The following EIF5A variants were observed in gnomAD, a reference collection of about 807,000 sequenced individuals.
EIF5A encodes the protein eukaryotic translation initiation factor 5A.
Under a neutral mutation model 16.6 loss-of-function variants are expected in EIF5A, and 1 was observed. The ratio of observed to expected loss-of-function variants is 0.06; its 90% CI spans 0.02 to 0.28. The LOEUF (loss-of-function observed/expected upper bound fraction) is 0.28, where lower values mean the gene tolerates loss of function less well. EIF5A is among the 10% of genes least tolerant of loss of function. The probability of loss-of-function intolerance (pLI) is 1.00; values close to 1 mark genes in which losing one functional copy is unlikely to be tolerated. For synonymous variants in EIF5A, 80 were observed against 73.6 expected (o/e 1.09, Z -0.44); for missense variants, 29 against 196.1 (o/e 0.15, Z 5.09).
intron 1 of EIF5A, chr17:7,307,990 C>G: frequency 1.0e-6 from 1 of 984,710 alleles, no homozygotes; most frequent in Non-Finnish European, 1.2e-6. Flanking sequence ...CGGCGAGCCG[C>G]GAGGCAGCCA....
rs931940768 is a variant in EIF5A at position 7,311,896 on chromosome 17, G to C, written c.*86G>C. On this transcript the variant is annotated 3_prime_UTR_variant, in exon 6 of 6. Coordinates refer to ENST00000336458, the MANE Select transcript of EIF5A (RefSeq NM_001970.5). ...CCCGAGCCTGGCCTGGCTCTGGCCC[G>C]GTCCTAAGCTGGACTCCTCCTACAC... 1 of 609,390 alleles carries C rather than the reference G, an allele frequency of 1.6e-6. No homozygotes were observed. The highest frequency in any genetic ancestry group is 3.0e-5 in the Admixed American group (1 of 32,984). 37.7% of individuals were successfully genotyped at this position (609,390 alleles called of 1,614,324 possible). A position where few individuals can be genotyped will look rare whatever the true frequency, so the allele number is the denominator to read the frequency against.
chr17:7,307,162 G>C (rs770300323), upstream of EIF5A: 5 of 1,538,884 alleles, frequency 3.2e-6, no homozygotes, highest in African/African-American at 5.5e-5. Context: ...CGTATCCTGA[G>C]ACGCATGCGT....
Position 7,311,996 on chromosome 17 carries a change from C to G in EIF5A, c.*186C>G. 2.7e-6 allele frequency: 1 copy of G among 366,872 alleles called. No homozygotes were observed. The highest frequency in any genetic ancestry group is 5.3e-6 in the Non-Finnish European group (1 of 189,312). 22.7% of individuals were successfully genotyped at this position (366,872 alleles called of 1,614,324 possible). The stretch of plus-strand genomic sequence containing the variant: ...GGGAGCCCCTGCCCTTCACCTAGCT[C>G]CCTTGGCCAGGAGCGAGCGAAGCTG... On this transcript the variant is annotated 3_prime_UTR_variant, in exon 6 of 6. Transcript: ENST00000336458.
chr17:7,311,008 A>G lies in EIF5A; in HGVS notation c.166-10A>G, dbSNP rs2143009476. On this transcript the variant is annotated splice_polypyrimidine_tract_variant and intron_variant, in intron 2 of 5. Transcript: ENST00000336458. ...TTGGTTGGGTTTCTCTTTGTGATGC[A>G]TACATACAGGTCCATCTGGTTGGTA... 2 of 1,611,052 alleles carry G rather than the reference A, an allele frequency of 1.2e-6. No homozygotes were observed. Among genetic ancestry groups the G allele is most frequent in the Non-Finnish European group, 1.7e-6 (2 of 1,178,222 alleles).
At chr17:7,310,424 A>C (rs778528028) in intron 2 of EIF5A, 8 of 1,179,726 alleles carry the variant, frequency 6.8e-6, no homozygotes, top group Non-Finnish European at 8.5e-6. Flanking sequence ...TTAGAATTTC[A>C]ACCTGATTCG....
chr17:7,308,082 G>A (rs957384478), intron 1 of EIF5A: 2 of 993,710 alleles, frequency 2.0e-6, no homozygotes, highest in African/African-American at 1.8e-5. Context: ...TACCTGGGCC[G>A]TTGAGGACCC....
chr17:7,307,058 TG>T (rs1437481725), upstream of EIF5A: 13 of 1,602,140 alleles, frequency 8.1e-6, no homozygotes, highest in Admixed American at 1.7e-5. Context: ...TGTGTGGAAC[TG>T]GGGGGACTGA....
chr17:7,311,648 C>T lies in EIF5A; in HGVS notation c.*8C>T, dbSNP rs1489159910. ...AAGGCCATGGCAAAATAACTGGCTCCCAGGTGAGTGTGACAAATCCCTCAC... is the reference window on the plus strand; with the variant it reads ...AAGGCCATGGCAAAATAACTGGCTCTCAGGTGAGTGTGACAAATCCCTCAC... On this transcript the variant is annotated 3_prime_UTR_variant, in exon 5 of 6. Coordinates refer to ENST00000336458, the MANE Select transcript of EIF5A (RefSeq NM_001970.5). 3 of 1,614,090 alleles carry T rather than the reference C, an allele frequency of 1.9e-6. No individual in the cohort carries two copies. The highest frequency in any genetic ancestry group is 8.5e-7 in the Non-Finnish European group (1 of 1,180,022).
At chr17:7,307,415 C>T (rs9906690), upstream of EIF5A, 5,902 of 1,147,690 alleles carry the variant, frequency 5.1e-3, 236 homozygotes, top group African/African-American at 0.087. Context: ...ACCGGGTGCG[C>T]CTGCGCGTTG....
chr17:7,310,302 G>A (rs1304208440), intron 2 of EIF5A: 3 of 1,280,232 alleles, frequency 2.3e-6, no homozygotes, highest in African/African-American at 3.1e-5. Context: ...GGATCAAACT[G>A]CCCCTACCTG....
chr17:7,310,464 C>T, intron 2 of EIF5A: 1 of 1,174,428 alleles, frequency 8.5e-7, no homozygotes, highest in South Asian at 1.7e-5. Context: ...GGTGTTTTTC[C>T]TTAATCAGTT....
chr17:7,309,177 C>T lies in EIF5A; in HGVS notation c.-21-438C>T, dbSNP rs190582010. On this transcript the variant is annotated intron_variant, in intron 1 of 5. Coordinates refer to ENST00000336458, the MANE Select transcript of EIF5A (RefSeq NM_001970.5). ...GGGTGGGGCCTTGTCCTCCGGTCTCCACCCTCCCCCCCCCCAATTAGCCCT... is the reference window on the plus strand; with the variant it reads ...GGGTGGGGCCTTGTCCTCCGGTCTCTACCCTCCCCCCCCCCAATTAGCCCT... Among the ~76,000 whole-genome samples the T allele has an allele frequency of 4.1e-3, 598 of 146,160 alleles. 5 individuals are homozygous for T. Among genetic ancestry groups the T allele is most frequent in the African/African-American group, 0.014 (571 of 40,904 alleles).
intron 1 of EIF5A, 142 bp from the exon 2 acceptor site, chr17:7,309,472 AT>A: frequency 9.0e-7 from 1 of 1,105,062 alleles, no homozygotes; most frequent in Non-Finnish European, 1.3e-6. Context: ...CCCAGTCAGT[AT>A]TTTAAGTTCA....
chr17:7,310,669 G>C (rs890766619), intron 2 of EIF5A: 11 of 985,058 alleles, frequency 1.1e-5, no homozygotes, highest in Non-Finnish European at 1.3e-5. Flanking sequence ...CAGTTTCTCA[G>C]CTCCTTCTCC....
chr17:7,308,514 C>T (rs1242638778), intron 1 of EIF5A: 9 of 1,351,374 alleles, frequency 6.7e-6, no homozygotes, highest in African/African-American at 5.9e-5. Context: ...CGCTTCCCAA[C>T]CTCAAGGGCC....
intron 1 of EIF5A, 119 bp from the exon 2 acceptor site, chr17:7,309,494 CTT>C: frequency 7.3e-7 from 1 of 1,363,068 alleles, no homozygotes; most frequent in Non-Finnish European, 1.0e-6. Flanking sequence ...GGAACTTTGA[CTT>C]TATTTTAGGT....
At position 7,310,134 on chromosome 17, in the gene EIF5A, C is replaced by T. The variant is rs1490781292; in HGVS notation, c.165+334C>T. ...CTTGGTTTTCACTTTTTCTTTCTTC[C>T]CTTGAGCCGTTGTTAAGTGGTTGCT... On this transcript the variant is annotated intron_variant, in intron 2 of 5. Transcript: ENST00000336458. The T allele has an allele frequency of 3.0e-6, 4 of 1,313,576 alleles. No individual in the cohort carries two copies. The African/African-American group carries it at 4.5e-5, about 15-fold the overall frequency. The allele number at this position is 1,313,576 out of a possible 1,614,324, so 81.4% of individuals were successfully genotyped here. A position where few individuals can be genotyped will look rare whatever the true frequency, so the allele number is the denominator to read the frequency against.
chr17:7,311,823 G>A lies in EIF5A; in HGVS notation c.*13G>A, dbSNP rs11078672. On this transcript the variant is annotated splice_region_variant and 3_prime_UTR_variant, in exon 6 of 6. Coordinates refer to ENST00000336458, the MANE Select transcript of EIF5A (RefSeq NM_001970.5). ...TACTAATTTCTCTCTCCTACCTAGG[G>A]TGGCGGTGGTGGCAGCAGTGATCCT... The A allele has an allele frequency of 0.29, 269,729 of 915,374 alleles. 42,909 individuals carry two copies. The highest frequency in any genetic ancestry group is 0.34 in the Non-Finnish European group (203,929 of 598,474). The allele number at this position is 915,374 out of a possible 1,614,324, so 56.7% of individuals were successfully genotyped here.
At chr17:7,309,243 C>T (rs2072741236) in intron 1 of EIF5A, among the ~76,000 whole-genome samples, 1 of 151,850 alleles carries the variant, frequency 6.6e-6, no homozygotes, top group Admixed American at 6.6e-5. Context: ...AATTATAGCC[C>T]TGGCTATATG....
Sources: allele counts gnomAD v4.1 joint callset (sites outside exome capture counted in the v4.1 genomes callset), GRCh38; gene constraint gnomAD v4.1.1; transcripts MANE v1.5; gene names NCBI Gene and HGNC (gene_info 2026-07-23, HGNC 2026-07-21).